LAMA1: variants seen among roughly 807,000 people sequenced by gnomAD.
The protein encoded by LAMA1 is laminin subunit alpha 1.
Under a neutral mutation model 348.7 loss-of-function variants are expected in LAMA1, and 219 were observed. The ratio of observed to expected loss-of-function variants is 0.63; its 90% CI spans 0.56 to 0.70. The LOEUF (loss-of-function observed/expected upper bound fraction) is 0.70. Ranked by LOEUF, LAMA1 falls within the 30% of genes least tolerant of loss-of-function variation. The probability of loss-of-function intolerance (pLI) is 0.00; values close to 1 mark genes in which losing one functional copy is unlikely to be tolerated. For missense variants in LAMA1, 3,744 were observed against 3,888.0 expected (o/e 0.96, Z 0.99); for synonymous variants, 1,487 against 1,491.0 (o/e 1.00, Z 0.06).
chr18:7,035,805 G>C (rs551839059), intron 13 of LAMA1, among the ~76,000 whole-genome samples, 182 bp downstream of exon 13: 1 of 152,082 alleles, frequency 6.6e-6, no homozygotes, highest in Admixed American at 6.5e-5. Flanking sequence ...TCCAGAAATG[G>C]GCTCAAAGAC....
chr18:7,090,487 C>T (rs897139726), intron 1 of LAMA1, among the ~76,000 whole-genome samples: 1 of 152,006 alleles, frequency 6.6e-6, no homozygotes, highest in Non-Finnish European at 1.5e-5. Flanking sequence ...GGGAGAATAA[C>T]CCCCTCCTTC....
At position 6,956,680 on chromosome 18, in the gene LAMA1, C is replaced by A; in HGVS notation, c.8050G>T (p.Asp2684Tyr). The change falls in exon 56 of 63, where the codon GAT becomes TAT. Residue 2684 changes from aspartate (D) to tyrosine (Y), a missense_variant. By Grantham distance (160) the Asp-to-Tyr change is radical (BLOSUM62 -3). Coordinates refer to ENST00000389658, the MANE Select transcript of LAMA1 (RefSeq NM_005559.4). ...WLSERPKLAP[D>Y]AEDSKLLPEP... The stretch of plus-strand genomic sequence containing the variant: ...GGCAAGAGCTTGCTGTCCTCTGCAT[C>A]GGGAGCCAGCTTAGGCCTTTCTGAC... The A allele has an allele frequency of 6.2e-7, 1 of 1,614,186 alleles. No individual in the cohort carries two copies. Among genetic ancestry groups the A allele is most frequent in the Non-Finnish European group, 8.5e-7 (1 of 1,180,038 alleles).
At chr18:7,107,038 T>C (rs1016290235) in intron 1 of LAMA1, among the ~76,000 whole-genome samples, 2 of 151,868 alleles carry the variant, frequency 1.3e-5, no homozygotes, top group Admixed American at 1.3e-4. Context: ...TACATGAATA[T>C]GAGCAAGCAG....
At chr18:6,996,112 G>GA (rs1341798866) in intron 33 of LAMA1, among the ~76,000 whole-genome samples, 4 of 151,746 alleles carry the variant, frequency 2.6e-5, no homozygotes, top group African/African-American at 2.4e-5. Context: ...ATAGTGATTG[G>GA]AAAAAAAAGT....
intron 1 of LAMA1, among the ~76,000 whole-genome samples, chr18:7,105,803 G>C (rs991083112): frequency 1.3e-5 from 2 of 152,236 alleles, no homozygotes; most frequent in African/African-American, 2.4e-5. Flanking sequence ...CCCAAAACTT[G>C]AGGACTCTAA....
chr18:6,956,650 G>C lies in LAMA1; in HGVS notation c.8080C>G (p.Pro2694Ala). 1 of 1,614,154 alleles carries C rather than the reference G, an allele frequency of 6.2e-7. No homozygotes were observed. Among genetic ancestry groups the C allele is most frequent in the South Asian group, 1.1e-5 (1 of 91,090 alleles). ...DAEDSKLLPEPRAFPEQCVVD... is the reference protein window; with the variant it reads ...DAEDSKLLPEARAFPEQCVVD... ...GCCGCTCCTACTGGAAAAGCCCGGG[G>C]CTCTGGCAAGAGCTTGCTGTCCTCT... is the stretch of plus-strand genomic sequence containing the variant. The change falls in exon 56 of 63, where the codon CCC (proline) becomes GCC (alanine). Residue 2694 changes from proline to alanine, a missense_variant. Pro to Ala is a conservative substitution (Grantham distance 27, BLOSUM62 -1). This residue lies in a region of LAMA1 where 1,983 missense variants were observed against 1,934.3 expected (regional missense o/e 1.03). Transcript: ENST00000389658.
intron 61 of LAMA1, among the ~76,000 whole-genome samples, chr18:6,945,257 T>C (rs2057516617): frequency 6.6e-6 from 1 of 152,100 alleles, no homozygotes; most frequent in Non-Finnish European, 1.5e-5. Context: ...TTTTAAAGTA[T>C]AGATGAGGGA....
rs184180727 is a variant in LAMA1, at chr18:7,107,493, T to G, written c.61+10167A>C. 1.1e-3 allele frequency among the ~76,000 whole-genome samples: 167 copies of G among 152,232 alleles called. 3 individuals are homozygous for G. In the South Asian group the frequency reaches 0.023, roughly 21 times the overall value. The stretch of plus-strand genomic sequence containing the variant: ...CAAATACACTAAGAATGCCAAGAAG[T>G]GTCCTGGATTCACAGTGAGGAAGGC... On this transcript the variant is annotated intron_variant, in intron 1 of 62. Transcript: ENST00000389658.
chr18:7,020,330 G>A (rs988463308), intron 19 of LAMA1, among the ~76,000 whole-genome samples: 1 of 152,120 alleles, frequency 6.6e-6, no homozygotes, highest in African/African-American at 2.4e-5. Flanking sequence ...TGAGAGTTAT[G>A]GGGGGTGAGG....
intron 1 of LAMA1, among the ~76,000 whole-genome samples, chr18:7,093,144 C>G (rs2058246311): frequency 6.6e-6 from 1 of 152,180 alleles, no homozygotes. Flanking sequence ...TGGCGGGGCA[C>G]AGTGGCTCAC....
At chr18:7,025,470 G>A (rs537447908) in intron 17 of LAMA1, among the ~76,000 whole-genome samples, 43 of 152,286 alleles carry the variant, frequency 2.8e-4, no homozygotes, top group Non-Finnish European at 4.4e-4. Flanking sequence ...GTCCCCTGGG[G>A]CCCACGGCCA....
intron 3 of LAMA1, among the ~76,000 whole-genome samples, chr18:7,059,245 C>A (rs1366192588): frequency 1.3e-5 from 2 of 152,092 alleles, no homozygotes; most frequent in African/African-American, 4.8e-5. Flanking sequence ...TTCTTTTGCC[C>A]TTTTTTTGCA....
In LAMA1 at chr18:7,010,193, T is replaced by C. The variant is rs2057853032; in HGVS notation, c.3873+7A>G. ...AAGGAACTTCTATGAAAAGATCCCA[T>C]TATCACCTCTCTCATTGCTACTTCT... On this transcript the variant is annotated splice_region_variant and intron_variant, in intron 26 of 62. Transcript: ENST00000389658. 1.2e-6 allele frequency: 2 copies of C among 1,613,850 alleles called. No individual in the cohort carries two copies. The highest frequency in any genetic ancestry group is 1.7e-6 in the Non-Finnish European group (2 of 1,179,852).
rs79257356 is a variant in LAMA1, at chr18:7,061,815, A to G, written c.346-10879T>C. 2.7e-3 allele frequency among the ~76,000 whole-genome samples: 411 copies of G among 152,310 alleles called. 4 individuals are homozygous for G. Among genetic ancestry groups the G allele is most frequent in the African/African-American group, 9.4e-3 (390 of 41,566 alleles). On this transcript the variant is annotated intron_variant, in intron 3 of 62. Transcript: ENST00000389658. ...ACACTCCCTCCTGCATCACAGCCTGAGTGGGTGCTTGTGGACCCACCCTGG... is the reference window on the plus strand; with the variant it reads ...ACACTCCCTCCTGCATCACAGCCTGGGTGGGTGCTTGTGGACCCACCCTGG...
intron 51 of LAMA1, among the ~76,000 whole-genome samples, chr18:6,962,356 G>A (rs758800034): frequency 1.4e-5 from 2 of 145,838 alleles, no homozygotes; most frequent in African/African-American, 2.5e-5. Flanking sequence ...AGGCTGCATT[G>A]AGCCATGATT....
At chr18:6,947,496 G>A (rs1205696059) in intron 60 of LAMA1, among the ~76,000 whole-genome samples, 200 bp from the exon 61 acceptor site, 2 of 152,106 alleles carry the variant, frequency 1.3e-5, no homozygotes, top group Admixed American at 6.6e-5. Flanking sequence ...TAAAGAAGAC[G>A]CATGCAGTCA....
intron 57 of LAMA1, among the ~76,000 whole-genome samples, chr18:6,953,347 A>T (rs2057558838): frequency 6.6e-6 from 1 of 152,268 alleles, no homozygotes; most frequent in Admixed American, 6.5e-5. Flanking sequence ...TCGAGGCACA[A>T]GAGGAGTGAT....
intron 32 of LAMA1, among the ~76,000 whole-genome samples, chr18:6,998,206 G>A (rs1568024267): frequency 6.6e-6 from 1 of 152,180 alleles, no homozygotes. Flanking sequence ...AAGTGATAAG[G>A]TGGTAAGAGA....
chr18:6,962,220 G>C (rs1478881448), intron 51 of LAMA1, among the ~76,000 whole-genome samples, 161 bp from the exon 52 acceptor site: 2 of 152,136 alleles, frequency 1.3e-5, no homozygotes, highest in African/African-American at 4.8e-5. Flanking sequence ...CCACGAGTTT[G>C]AGACAAGCCA....
Sources: gnomAD v4.1 joint callset for allele counts (sites outside exome capture counted in the v4.1 genomes callset) on GRCh38, gnomAD v4.1.1 for gene constraint, gnomAD v4.1.1 regional missense constraint, MANE v1.5 for transcripts, NCBI Gene and HGNC (gene_info 2026-07-23, HGNC 2026-07-21) for gene names.